Variants in OR13F1 observed in about 807,000 individuals in gnomAD.
OR13F1 encodes olfactory receptor family 13 subfamily F member 1.
For synonymous variants in OR13F1, 142 were observed against 149.1 expected, an observed-to-expected ratio of 0.95 and a Z score of 0.34; for missense variants, 386 against 384.5, an observed-to-expected ratio of 1.00 and a Z score of -0.03.
At position 104,504,823 on chromosome 9, in the gene OR13F1, G is replaced by A; in HGVS notation, c.561G>A (p.Leu187=). The A allele has an allele frequency of 6.2e-7, 1 of 1,614,054 alleles. No homozygotes were observed. The highest frequency in any genetic ancestry group is 8.5e-7 in the Non-Finnish European group (1 of 1,180,010). The change falls in exon 1 of 1, where the codon TTG becomes TTA. Residue 187 remains leucine, a synonymous_variant. Coordinates refer to ENST00000334726, the MANE Select transcript of OR13F1 (RefSeq NM_001004485.1). ...FTCEILAILK[L]VCVDTSLVQL... ...GTGAAATTCTGGCCATCTTGAAATT[G>A]GTTTGTGTGGACACCTCCCTGGTGC...
In OR13F1 at chr9:104,504,645, AC is replaced by A. The variant is rs748767668; in HGVS notation, c.388del (p.Leu130Ter). The A allele has an allele frequency of 3.7e-6, 6 of 1,613,988 alleles. No homozygotes were observed. In the East Asian group the frequency reaches 1.3e-4, roughly 36 times the overall value. ...MAYDRYVAICNPLRYPVIMNR... is the reference protein window; with the variant it reads ...MAYDRYVAICXPLRYPVIMNR... ...TATGACCGGTATGTGGCCATCTGCA[AC>A]CCCCTGAGATACCCTGTCATCATGA... On this transcript the variant is annotated frameshift_variant, in exon 1 of 1. Transcript: ENST00000334726. LOFTEE classifies it low-confidence loss of function (END_TRUNC).
In OR13F1 at chr9:104,504,935, A is replaced by G. The variant is rs1192488318; in HGVS notation, c.673A>G (p.Ile225Val). 1 of 1,614,150 alleles carries G rather than the reference A, an allele frequency of 6.2e-7. No individual in the cohort carries two copies. The highest frequency in any genetic ancestry group is 8.5e-7 in the Non-Finnish European group (1 of 1,180,000). The change falls in exon 1 of 1, where the codon ATC becomes GTC. Residue 225 changes from isoleucine (I) to valine (V), a missense_variant. By Grantham distance (29) the Ile-to-Val change is conservative. Transcript: ENST00000334726. Reference protein sequence around the residue: ...CISYAFILASILRISSVEGRS... With the variant: ...CISYAFILASVLRISSVEGRS... ...CTCTTATGCATTTATCCTCGCCAGT[A>G]TCCTGAGAATCAGCTCAGTGGAAGG...
Position 104,504,369 on chromosome 9 carries a change from T to G in OR13F1, c.107T>G (p.Leu36Arg). Reference sequence around the variant, plus strand: ...TTTGCGGTGTGCTTGCTGATGTACCTGATCACCTTGCTGGGCAACATTTTT... The same window carrying G: ...TTTGCGGTGTGCTTGCTGATGTACCGGATCACCTTGCTGGGCAACATTTTT... ...IIFAVCLLMY[L>R]ITLLGNIFLI... Residue 36 changes from leucine (L) to arginine (R), a missense_variant, in exon 1 of 1, where the codon CTG becomes CGG. Transcript: ENST00000334726. The G allele has an allele frequency of 6.2e-7, 1 of 1,614,152 alleles. No homozygotes were observed. The highest frequency in any genetic ancestry group is 2.2e-5 in the East Asian group (1 of 44,874).
chr9:104,504,978 C>A lies in OR13F1; in HGVS notation c.716C>A (p.Ser239Ter). 6.2e-7 allele frequency: 1 copy of A among 1,614,184 alleles called. No homozygotes were observed. The highest frequency in any genetic ancestry group is 8.5e-7 in the Non-Finnish European group (1 of 1,180,036). The change falls in exon 1 of 1, where the codon TCA (serine) becomes TAA (stop). Residue 239 changes from serine to a stop codon, truncating the protein, a stop_gained. Coordinates refer to ENST00000334726, the MANE Select transcript of OR13F1 (RefSeq NM_001004485.1). LOFTEE classifies it low-confidence loss of function (END_TRUNC). The part of the protein sequence containing the change: ...SSVEGRSKAF[S>*]TCTAHLMVVV... ...GTGGAAGGTCGAAGTAAAGCCTTTTCAACGTGCACAGCCCACCTGATGGTG... is the reference window on the plus strand; with the variant it reads ...GTGGAAGGTCGAAGTAAAGCCTTTTAAACGTGCACAGCCCACCTGATGGTG...
chr9:104,504,291 A>G lies in OR13F1; in HGVS notation c.29A>G (p.Lys10Arg), dbSNP rs1375492371. 1 of 1,612,826 alleles carries G rather than the reference A, an allele frequency of 6.2e-7. No homozygotes were observed. The highest frequency in any genetic ancestry group is 1.1e-5 in the South Asian group (1 of 90,990). ...TTCCCGGCAAATTGGACATCTGTAAAAGTATTTTTCTTCCTGGGATTTTTT... is the reference window on the plus strand; with the variant it reads ...TTCCCGGCAAATTGGACATCTGTAAGAGTATTTTTCTTCCTGGGATTTTTT... MFPANWTSV[K>R]VFFFLGFFHY... is the part of the protein sequence containing the mutation. The change falls in exon 1 of 1, where the codon AAA becomes AGA. Residue 10 changes from lysine to arginine, a missense_variant. Lys to Arg is a conservative substitution (Grantham distance 26). Transcript: ENST00000334726.
rs765758608 is a variant in OR13F1 at position 104,504,625 on chromosome 9, C to T, written c.363C>T (p.Asp121=). Residue 121 remains aspartate (D), a synonymous_variant, in exon 1 of 1, where the codon GAC becomes GAT. Transcript: ENST00000334726. ...ECVLLPMMAY[D]RYVAICNPLR... The stretch of plus-strand genomic sequence containing the variant: ...TGCTCCTGCCCATGATGGCATATGA[C>T]CGGTATGTGGCCATCTGCAACCCCC... The T allele has an allele frequency of 1.4e-5, 23 of 1,614,030 alleles. No homozygotes were observed. The highest frequency in any genetic ancestry group is 5.9e-6 in the Non-Finnish European group (7 of 1,180,034).
Position 104,505,131 on chromosome 9 carries a change from A to G in OR13F1, c.869A>G (p.Tyr290Cys). The G allele has an allele frequency of 6.2e-7, 1 of 1,614,122 alleles. No homozygotes were observed. ...ACCCCCATGTTGAATCCTATCATCT[A>G]TAGTCTACGGAACAAAGAGGTGAAA... ...GQTPMLNPII[Y>C]SLRNKEVKVA... Residue 290 changes from tyrosine (Y) to cysteine (C), a missense_variant, in exon 1 of 1, where the codon TAT (tyrosine) becomes TGT (cysteine). By Grantham distance (194) the Tyr-to-Cys change is radical. Coordinates refer to ENST00000334726, the MANE Select transcript of OR13F1 (RefSeq NM_001004485.1).
At position 104,504,832 on chromosome 9, in the gene OR13F1, G is replaced by A. The variant is rs773177450; in HGVS notation, c.570G>A (p.Val190=). The part of the protein sequence containing the change: ...EILAILKLVC[V]DTSLVQLIML... ...TGGCCATCTTGAAATTGGTTTGTGT[G>A]GACACCTCCCTGGTGCAGTTAATCA... Residue 190 remains valine, a synonymous_variant, in exon 1 of 1, where the codon GTG becomes GTA. Transcript: ENST00000334726. 4 of 1,613,988 alleles carry A rather than the reference G, an allele frequency of 2.5e-6. No individual in the cohort carries two copies. In the South Asian group the frequency reaches 4.4e-5, roughly 18 times the overall value.
Position 104,504,839 on chromosome 9 carries a change from T to A in OR13F1, c.577T>A (p.Ser193Thr). The change falls in exon 1 of 1, where the codon TCC becomes ACC. Residue 193 changes from serine to threonine, a missense_variant. By Grantham distance (58) the Ser-to-Thr change is moderately conservative (BLOSUM62 1). Transcript: ENST00000334726. ...CTTGAAATTGGTTTGTGTGGACACC[T>A]CCCTGGTGCAGTTAATCATGCTGGT... ...AILKLVCVDT[S>T]LVQLIMLVIS... The A allele has an allele frequency of 6.2e-7, 1 of 1,614,204 alleles. No homozygotes were observed. The highest frequency in any genetic ancestry group is 8.5e-7 in the Non-Finnish European group (1 of 1,180,024).
chr9:104,504,403 C>T lies in OR13F1; in HGVS notation c.141C>T (p.Ser47=), dbSNP rs1291519081. The T allele has an allele frequency of 3.1e-6, 5 of 1,614,078 alleles. No homozygotes were observed. Among genetic ancestry groups the T allele is most frequent in the Non-Finnish European group, 4.2e-6 (5 of 1,179,974 alleles). ...TGCTGGGCAACATTTTTCTGATCTC[C>T]ATCACCATTCTAGATTCCCACCTGC... ...ITLLGNIFLI[S]ITILDSHLHT... The change falls in exon 1 of 1, where the codon TCC becomes TCT. Residue 47 remains serine, a synonymous_variant. Transcript: ENST00000334726.
chr9:104,504,285 C>T lies in OR13F1; in HGVS notation c.23C>T (p.Ser8Phe). 1 of 1,612,144 alleles carries T rather than the reference C, an allele frequency of 6.2e-7. No homozygotes were observed. The highest frequency in any genetic ancestry group is 8.5e-7 in the Non-Finnish European group (1 of 1,178,696). The stretch of plus-strand genomic sequence containing the variant: ...AAAATGTTCCCGGCAAATTGGACAT[C>T]TGTAAAAGTATTTTTCTTCCTGGGA... MFPANWT[S>F]VKVFFFLGFF... is the part of the protein sequence containing the mutation. The change falls in exon 1 of 1, where the codon TCT (serine) becomes TTT (phenylalanine). Residue 8 changes from serine (S) to phenylalanine (F), a missense_variant. Coordinates refer to ENST00000334726, the MANE Select transcript of OR13F1 (RefSeq NM_001004485.1).
At position 104,504,834 on chromosome 9, in the gene OR13F1, A is replaced by G; in HGVS notation, c.572A>G (p.Asp191Gly). 1.2e-6 allele frequency: 2 copies of G among 1,613,960 alleles called. No individual in the cohort carries two copies. Among genetic ancestry groups the G allele is most frequent in the Non-Finnish European group, 8.5e-7 (1 of 1,179,996 alleles). Residue 191 changes from aspartate (D) to glycine (G), a missense_variant, in exon 1 of 1, where the codon GAC becomes GGC. By Grantham distance (94) the Asp-to-Gly change is moderately conservative (BLOSUM62 -1). Coordinates refer to ENST00000334726, the MANE Select transcript of OR13F1 (RefSeq NM_001004485.1). The stretch of plus-strand genomic sequence containing the variant: ...GCCATCTTGAAATTGGTTTGTGTGG[A>G]CACCTCCCTGGTGCAGTTAATCATG... ...ILAILKLVCV[D>G]TSLVQLIMLV...
Position 104,504,715 on chromosome 9 carries a change from A to T in OR13F1, c.453A>T (p.Thr151=). ...CVQIAAGSWM[T]GCLTAMVEMM... is the part of the protein sequence containing the mutation. ...AGATTGCAGCTGGCTCCTGGATGAC[A>T]GGCTGTCTCACTGCCATGGTGGAAA... The change falls in exon 1 of 1, where the codon ACA becomes ACT. Residue 151 remains threonine, a synonymous_variant. Coordinates refer to ENST00000334726, the MANE Select transcript of OR13F1 (RefSeq NM_001004485.1). The T allele has an allele frequency of 6.2e-7, 1 of 1,614,040 alleles. No individual in the cohort carries two copies. Among genetic ancestry groups the T allele is most frequent in the Non-Finnish European group, 8.5e-7 (1 of 1,179,994 alleles).
chr9:104,504,958 A>C lies in OR13F1; in HGVS notation c.696A>C (p.Glu232Asp). Residue 232 changes from glutamate to aspartate, a missense_variant, in exon 1 of 1, where the codon GAA (glutamate) becomes GAC (aspartate). Coordinates refer to ENST00000334726, the MANE Select transcript of OR13F1 (RefSeq NM_001004485.1). Reference sequence around the variant, plus strand: ...GTATCCTGAGAATCAGCTCAGTGGAAGGTCGAAGTAAAGCCTTTTCAACGT... The same window carrying C: ...GTATCCTGAGAATCAGCTCAGTGGACGGTCGAAGTAAAGCCTTTTCAACGT... ...LASILRISSV[E>D]GRSKAFSTCT... is the part of the protein sequence containing the mutation. The C allele has an allele frequency of 6.2e-7, 1 of 1,614,178 alleles. No individual in the cohort carries two copies. Among genetic ancestry groups the C allele is most frequent in the East Asian group, 2.2e-5 (1 of 44,888 alleles).
rs1828457644 is a variant in OR13F1, at chr9:104,505,195, T to G, written c.933T>G (p.Asn311Lys). 1 of 1,612,444 alleles carries G rather than the reference T, an allele frequency of 6.2e-7. No individual in the cohort carries two copies. The highest frequency in any genetic ancestry group is 8.5e-7 in the Non-Finnish European group (1 of 1,178,652). ...LKKLLIRNHF[N>K]TAFISILK is the part of the protein sequence containing the mutation. ...AATTGCTGATTAGAAATCATTTTAATACTGCCTTCATTTCCATCCTCAAAT... is the reference window on the plus strand; with the variant it reads ...AATTGCTGATTAGAAATCATTTTAAGACTGCCTTCATTTCCATCCTCAAAT... Residue 311 changes from asparagine (N) to lysine (K), a missense_variant, in exon 1 of 1, where the codon AAT (asparagine) becomes AAG (lysine). Asn to Lys is a moderately conservative substitution (Grantham distance 94). Transcript: ENST00000334726.
Position 104,505,073 on chromosome 9 carries a change from G to C in OR13F1, c.811G>C (p.Asp271His), listed in dbSNP as rs1221701009. 26 of 1,614,166 alleles carry C rather than the reference G, an allele frequency of 1.6e-5. No homozygotes were observed. The highest frequency in any genetic ancestry group is 2.2e-5 in the Non-Finnish European group (26 of 1,180,022). Reference sequence around the variant, plus strand: ...CTCCGCTGTAGATTCACAGGAAATAGACAAATTTATGGCTTTGGTGTATGC... The same window carrying C: ...CTCCGCTGTAGATTCACAGGAAATACACAAATTTATGGCTTTGGTGTATGC... ...KPSAVDSQEIDKFMALVYAGQ... is the reference protein window; with the variant it reads ...KPSAVDSQEIHKFMALVYAGQ... Residue 271 changes from aspartate (D) to histidine (H), a missense_variant, in exon 1 of 1, where the codon GAC becomes CAC. Physicochemically the swap from Asp to His is moderately conservative, Grantham distance 81. Transcript: ENST00000334726.
Position 104,504,319 on chromosome 9 carries a change from C to T in OR13F1, c.57C>T (p.His19=). The change falls in exon 1 of 1, where the codon CAC becomes CAT. Residue 19 remains histidine, a synonymous_variant. Transcript: ENST00000334726. ...TATTTTTCTTCCTGGGATTTTTTCA[C>T]TACCCCAAAGTTCAGGTCATCATAT... The part of the protein sequence containing the change: ...VKVFFFLGFF[H]YPKVQVIIFA... 2 of 1,612,084 alleles carry T rather than the reference C, an allele frequency of 1.2e-6. No individual in the cohort carries two copies. Among genetic ancestry groups the T allele is most frequent in the Non-Finnish European group, 1.7e-6 (2 of 1,178,870 alleles).
In OR13F1 at chr9:104,504,306, T is replaced by C; in HGVS notation, c.44T>C (p.Leu15Pro). The C allele has an allele frequency of 1.9e-6, 3 of 1,612,786 alleles. No individual in the cohort carries two copies. The highest frequency in any genetic ancestry group is 2.5e-6 in the Non-Finnish European group (3 of 1,179,164). Residue 15 changes from leucine to proline, a missense_variant, in exon 1 of 1, where the codon CTG becomes CCG. Transcript: ENST00000334726. ...ACATCTGTAAAAGTATTTTTCTTCC[T>C]GGGATTTTTTCACTACCCCAAAGTT... Reference protein sequence around the residue: ...NWTSVKVFFFLGFFHYPKVQV... With the variant: ...NWTSVKVFFFPGFFHYPKVQV...
Position 104,504,278 on chromosome 9 carries a change from T to G in OR13F1, c.16T>G (p.Trp6Gly). The G allele has an allele frequency of 6.2e-7, 1 of 1,611,028 alleles. No individual in the cohort carries two copies. Among genetic ancestry groups the G allele is most frequent in the East Asian group, 2.2e-5 (1 of 44,874 alleles). Residue 6 changes from tryptophan to glycine, a missense_variant, in exon 1 of 1, where the codon TGG becomes GGG. Trp to Gly is a radical substitution (Grantham distance 184). Transcript: ENST00000334726. Reference protein sequence around the residue: MFPANWTSVKVFFFLG... With the variant: MFPANGTSVKVFFFLG... ...ACATAAAAAAATGTTCCCGGCAAAT[T>G]GGACATCTGTAAAAGTATTTTTCTT...
Sources: gnomAD v4.1 joint callset for allele counts on GRCh38, gnomAD v4.1.1 for gene constraint, MANE v1.5 for transcripts, NCBI Gene and HGNC (gene_info 2026-07-23, HGNC 2026-07-21) for gene names.